The following SP7 variants were observed in gnomAD, a reference collection of about 807,000 sequenced individuals.
The protein encoded by SP7 is transcription factor Sp7.
A neutral mutation model predicts 27.9 loss-of-function variants in SP7; 13 were observed. That is an observed-to-expected ratio of 0.47 (90% CI 0.30 to 0.74). The LOEUF is 0.74. Among genes scored for constraint, SP7 ranks in the 30% least tolerant of loss-of-function variants. SP7 has a pLI of 0.06. For synonymous variants in SP7, 219 were observed against 226.7 expected (o/e 0.97, Z 0.31); for missense variants, 525 against 558.0 (o/e 0.94, Z 0.60).
chr12:53,336,047 G>T, intron 1 of SP7, 99 bp downstream of exon 1: 1 of 238,822 alleles, frequency 4.2e-6, no homozygotes, highest in Non-Finnish European at 8.2e-6. Flanking sequence ...CTGCTGAGGG[G>T]AGAGGTTAAA....
At chr12:53,329,576 C>T (rs1565790939) in intron 2 of SP7, among the ~76,000 whole-genome samples, 156 bp from the exon 3 acceptor site, 1 of 152,010 alleles carries the variant, frequency 6.6e-6, no homozygotes, top group African/African-American at 2.4e-5. Context: ...AAGAGGTTAG[C>T]CAGTGAGGGC....
intron 2 of SP7, among the ~76,000 whole-genome samples, chr12:53,334,374 A>ACG (rs1353823853): frequency 7.1e-6 from 1 of 139,884 alleles, no homozygotes; most frequent in Admixed American, 7.1e-5. Flanking sequence ...ACACACACAC[A>ACG]CTCTCAGGGC....
intron 2 of SP7, among the ~76,000 whole-genome samples, chr12:53,335,076 T>C (rs1396786080): frequency 1.3e-5 from 2 of 151,872 alleles, no homozygotes; most frequent in African/African-American, 4.8e-5. Context: ...CTCCTTTCTC[T>C]CATAGCCTAC....
intron 2 of SP7, among the ~76,000 whole-genome samples, chr12:53,331,487 AAG>A (rs1555193136): frequency 6.6e-5 from 10 of 150,388 alleles, no homozygotes; most frequent in African/African-American, 1.7e-4. Flanking sequence ...AAAAAAAAAA[AAG>A]AAAGGCAAAG....
chr12:53,340,751 G>A (rs143994122), upstream of SP7, among the ~76,000 whole-genome samples: 18 of 152,304 alleles, frequency 1.2e-4, no homozygotes, highest in African/African-American at 3.9e-4. Context: ...AGAGGGGACA[G>A]GAAAGAAGAA....
chr12:53,330,966 C>T (rs183824558), intron 2 of SP7, among the ~76,000 whole-genome samples: 9 of 152,342 alleles, frequency 5.9e-5, no homozygotes, highest in Non-Finnish European at 1.0e-4. Flanking sequence ...GCAGTGAGCA[C>T]CTCCTGCTTT....
At position 53,327,182 on chromosome 12, in the gene SP7, A is replaced by G. The variant is rs1295963481; in HGVS notation, c.*964T>C. The stretch of plus-strand genomic sequence containing the variant: ...GTACATTCCAGTCCTTCTCCCCTCC[A>G]TAGGACTTGAGGTTTCACAGCTTCT... On this transcript the variant is annotated 3_prime_UTR_variant, in exon 3 of 3. Transcript: ENST00000536324. 1 of 152,598 alleles carries G rather than the reference A, an allele frequency of 6.6e-6. No homozygotes were observed. Among genetic ancestry groups the G allele is most frequent in the Non-Finnish European group, 1.5e-5 (1 of 68,022 alleles). The allele number at this position is 152,598 out of a possible 1,614,324, so 9.5% of individuals were successfully genotyped here. A position where few individuals can be genotyped will look rare whatever the true frequency, so the allele number is the denominator to read the frequency against.
upstream of SP7, among the ~76,000 whole-genome samples, chr12:53,338,715 AG>A (rs1944796655): frequency 6.6e-6 from 1 of 152,156 alleles, no homozygotes; most frequent in South Asian, 2.1e-4. Flanking sequence ...GGAGGAGCAG[AG>A]TCCCAGGAAG....
upstream of SP7, among the ~76,000 whole-genome samples, chr12:53,339,647 C>T (rs1944804986): frequency 6.6e-6 from 1 of 151,456 alleles, no homozygotes; most frequent in African/African-American, 2.4e-5. Context: ...ATCACTTGAA[C>T]CCAGGAGGTG....
upstream of SP7, among the ~76,000 whole-genome samples, chr12:53,337,967 T>C (rs935707242): frequency 1.9e-4 from 29 of 151,378 alleles, no homozygotes; most frequent in Non-Finnish European, 1.0e-4. Flanking sequence ...ATGTGTGGCT[T>C]TAAACAACAA....
rs538073064 is a variant in SP7 at position 53,336,247 on chromosome 12, C to T, written c.-149G>A. The T allele has an allele frequency of 6.3e-6, 1 of 158,454 alleles. No individual in the cohort carries two copies. Among genetic ancestry groups the T allele is most frequent in the Admixed American group, 5.9e-5 (1 of 16,920 alleles). The allele number at this position is 158,454 out of a possible 1,614,324, so 9.8% of individuals were successfully genotyped here. A position where few individuals can be genotyped will look rare whatever the true frequency, so the allele number is the denominator to read the frequency against. ...GCCTGAGGGTGCTGGGAGGGATCCG[C>T]TCTCTCCCAGGCCAGCTCCACTCCT... is the stretch of plus-strand genomic sequence containing the variant. On this transcript the variant is annotated 5_prime_UTR_variant, in exon 1 of 3. Coordinates refer to ENST00000536324, the MANE Select transcript of SP7 (RefSeq NM_001173467.3).
Position 53,327,391 on chromosome 12 carries a change from T to C in SP7, c.*755A>G, listed in dbSNP as rs1944643773. The C allele has an allele frequency of 6.6e-6, 1 of 152,544 alleles. No homozygotes were observed. The highest frequency in any genetic ancestry group is 2.4e-5 in the African/African-American group (1 of 41,470). 9.4% of individuals were successfully genotyped at this position (152,544 alleles called of 1,614,324 possible). Reference sequence around the variant, plus strand: ...CACTAACATTTTGTCTATACAGAGATGCATTTGACTAGAATTTCCTTAGCA... The same window carrying C: ...CACTAACATTTTGTCTATACAGAGACGCATTTGACTAGAATTTCCTTAGCA... On this transcript the variant is annotated 3_prime_UTR_variant, in exon 3 of 3. Coordinates refer to ENST00000536324, the MANE Select transcript of SP7 (RefSeq NM_001173467.3).
At chr12:53,335,562 G>C in intron 2 of SP7, 64 bp downstream of exon 2, 2 of 838,402 alleles carry the variant, frequency 2.4e-6, no homozygotes, top group East Asian at 2.6e-5. Context: ...GAGGAGGTGG[G>C]TGGGCAAGGA....
rs775346447 is a variant in SP7, at chr12:53,328,859, G to C, written c.583C>G (p.Leu195Val). 3 of 1,604,920 alleles carry C rather than the reference G, an allele frequency of 1.9e-6. No individual in the cohort carries two copies. The Admixed American group carries it at 5.0e-5, about 27-fold the overall frequency. Reference protein sequence around the residue: ...GPAQPPLNPQLPTYPSDFAPL... With the variant: ...GPAQPPLNPQVPTYPSDFAPL... Reference sequence around the variant, plus strand: ...GCAAAGTCAGATGGGTAGGTGGGCAGCTGGGGGTTCAGTGGAGGCTGAGCT... The same window carrying C: ...GCAAAGTCAGATGGGTAGGTGGGCACCTGGGGGTTCAGTGGAGGCTGAGCT... The change falls in exon 3 of 3, where the codon CTG becomes GTG. Residue 195 changes from leucine (L) to valine (V), a missense_variant. Leu to Val is a conservative substitution (Grantham distance 32). Coordinates refer to ENST00000536324, the MANE Select transcript of SP7 (RefSeq NM_001173467.3). This position sits in a 1 kb window ranked among gnomAD's most constrained non-coding sequence, Gnocchi z 5.1.
chr12:53,335,641 C>A lies in SP7; in HGVS notation c.6G>T (p.Ala2=). The A allele has an allele frequency of 6.5e-7, 1 of 1,544,076 alleles. No homozygotes were observed. The highest frequency in any genetic ancestry group is 8.7e-7 in the Non-Finnish European group (1 of 1,145,302). The change falls in exon 2 of 3, where the codon GCG becomes GCT. Residue 2 remains alanine (A), a synonymous_variant. Transcript: ENST00000536324. ...GGACAGTTACCTCAAGCAGGGAGGA[C>A]GCCATCCTGAGGCTGGGGAACGGGT... is the stretch of plus-strand genomic sequence containing the variant. The part of the protein sequence containing the change: M[A]SSLLEEEVHY...
Position 53,327,881 on chromosome 12 carries a change from T to C in SP7, c.*265A>G. ...GTGTTGGTGTGGCAGGGCCAGAGTC[T>C]AGGAAGCCGGAGTGCAGGTATCAGG... On this transcript the variant is annotated 3_prime_UTR_variant, in exon 3 of 3. Coordinates refer to ENST00000536324, the MANE Select transcript of SP7 (RefSeq NM_001173467.3). The C allele has an allele frequency of 2.2e-6, 1 of 462,694 alleles. No homozygotes were observed. The highest frequency in any genetic ancestry group is 4.2e-5 in the South Asian group (1 of 23,952). 28.7% of individuals were successfully genotyped at this position (462,694 alleles called of 1,614,324 possible). A position where few individuals can be genotyped will look rare whatever the true frequency, so the allele number is the denominator to read the frequency against.
intron 1 of SP7, among the ~76,000 whole-genome samples, chr12:53,343,241 G>T (rs1420022679): frequency 6.6e-6 from 1 of 152,142 alleles, no homozygotes; most frequent in African/African-American, 2.4e-5. Flanking sequence ...ATATGCAAAG[G>T]CTCAGAGGTA....
chr12:53,333,297 C>CA (rs1250398327), intron 2 of SP7, among the ~76,000 whole-genome samples: 1 of 152,194 alleles, frequency 6.6e-6, no homozygotes, highest in Non-Finnish European at 1.5e-5. Flanking sequence ...CCAGCAGTCC[C>CA]ACCTTCGAGT....
At chr12:53,332,249 A>G (rs1457954311) in intron 2 of SP7, among the ~76,000 whole-genome samples, 1 of 152,182 alleles carries the variant, frequency 6.6e-6, no homozygotes, top group East Asian at 1.9e-4. Context: ...GGGATTGACA[A>G]AAAAGACCCA....
Sources: gnomAD v4.1 joint callset for allele counts (sites outside exome capture counted in the v4.1 genomes callset) on GRCh38, gnomAD v4.1.1 for gene constraint, Gnocchi (gnomAD v3.1) non-coding constraint, MANE v1.5 for transcripts, NCBI Gene and HGNC (gene_info 2026-07-23, HGNC 2026-07-21) for gene names.